Variants in RAD51B observed in about 807,000 individuals in gnomAD.
The protein encoded by RAD51B is RAD51 paralog B.
A neutral mutation model predicts 42.2 loss-of-function variants in RAD51B; 38 were observed. The observed-to-expected ratio is 0.90, with a 90% CI of 0.70 to 1.18. The LOEUF (loss-of-function observed/expected upper bound fraction) is 1.18. RAD51B is among the 50% of genes most tolerant of loss of function. The probability of loss-of-function intolerance (pLI) is 0.00; values close to 1 mark genes in which losing one functional copy is unlikely to be tolerated. For missense variants in RAD51B, 373 were observed against 400.7 expected (o/e 0.93, Z 0.59); for synonymous variants, 154 against 145.2 (o/e 1.06, Z -0.43).
Position 67,896,507 on chromosome 14 carries a change from CCTT to C in RAD51B, c.756+9307_756+9309del, listed in dbSNP as rs554690102. On this transcript the variant is annotated intron_variant, in intron 7 of 10. Coordinates refer to ENST00000471583, the MANE Select transcript of RAD51B (RefSeq NM_133510.4). ...CTGTACACATAGTATTACTGTAATG[CCTT>C]CTTTAGAAGTTTAACAACGTCAGGT... 5.9e-5 allele frequency among the ~76,000 whole-genome samples: 9 copies of C among 152,222 alleles called. No homozygotes were observed. In the South Asian group the frequency reaches 1.9e-3, roughly 32 times the overall value.
rs1264233533 is a variant in RAD51B, at chr14:68,344,068, GT to G, written c.853+52089del. On this transcript the variant is annotated intron_variant, in intron 8 of 10. Coordinates refer to ENST00000471583, the MANE Select transcript of RAD51B (RefSeq NM_133510.4). ...CTTACAGAGAACCTCTACTAGAGCA[GT>G]GTGGAGAGGAAATGTGGAGTTGAAG... Among the ~76,000 whole-genome samples the G allele has an allele frequency of 3.9e-5, 6 of 152,374 alleles. No individual in the cohort carries two copies. In the East Asian group the frequency reaches 9.6e-4, roughly 24 times the overall value.
chr14:68,306,989 G>T (rs967017404), intron 8 of RAD51B, among the ~76,000 whole-genome samples: 1 of 148,462 alleles, frequency 6.7e-6, no homozygotes, highest in Non-Finnish European at 1.5e-5. Flanking sequence ...GCTCCTCTTG[G>T]ATTGGATGAA....
intron 5 of RAD51B, among the ~76,000 whole-genome samples, chr14:67,877,278 G>T (rs1315076654): frequency 6.6e-6 from 1 of 151,920 alleles, no homozygotes; most frequent in East Asian, 1.9e-4. Context: ...TAAGGAGCGG[G>T]GTATTATGAT....
intron 7 of RAD51B, among the ~76,000 whole-genome samples, chr14:68,206,602 T>C (rs1245317430): frequency 6.6e-6 from 1 of 152,120 alleles, no homozygotes; most frequent in African/African-American, 2.4e-5. Context: ...TGGTTGATAC[T>C]GTACCAGATC....
intron 10 of RAD51B, chr14:68,563,478 G>T (rs1414957162): frequency 3.0e-6 from 3 of 985,476 alleles, no homozygotes; most frequent in Non-Finnish European, 3.6e-6. Flanking sequence ...GTGAAAATAT[G>T]CAGGCTGGGG....
At chr14:68,241,636 A>G (rs1015453348) in intron 7 of RAD51B, among the ~76,000 whole-genome samples, 3 of 152,202 alleles carry the variant, frequency 2.0e-5, no homozygotes, top group Non-Finnish European at 4.4e-5. Context: ...CATAGGTTCC[A>G]TTTAAATTTA....
intron 4 of RAD51B, among the ~76,000 whole-genome samples, chr14:67,859,215 A>G (rs1356941962): frequency 1.3e-5 from 2 of 152,236 alleles, no homozygotes; most frequent in Non-Finnish European, 2.9e-5. Flanking sequence ...GGGATGAATT[A>G]TAAGTCTGCA....
chr14:68,201,097 C>T (rs949948658), intron 7 of RAD51B, among the ~76,000 whole-genome samples: 38 of 152,104 alleles, frequency 2.5e-4, no homozygotes, highest in African/African-American at 9.2e-4. Flanking sequence ...TTTAATTCCT[C>T]ATGAATTTTT....
chr14:67,881,824 C>T (rs1456353502), intron 5 of RAD51B, among the ~76,000 whole-genome samples: 2 of 152,058 alleles, frequency 1.3e-5, no homozygotes, highest in African/African-American at 4.8e-5. Flanking sequence ...AGTGGAAATC[C>T]CTTCTTTCAT....
chr14:68,166,186 T>TC (rs1408908267), intron 7 of RAD51B, among the ~76,000 whole-genome samples: 1 of 149,276 alleles, frequency 6.7e-6, no homozygotes, highest in Non-Finnish European at 1.5e-5. Flanking sequence ...TTTTTTTTTT[T>TC]AGTTTCTCCA....
At chr14:68,129,685 A>T (rs2077845057) in intron 7 of RAD51B, among the ~76,000 whole-genome samples, 1 of 152,230 alleles carries the variant, frequency 6.6e-6, no homozygotes, top group Non-Finnish European at 1.5e-5. Context: ...GACAAGATCA[A>T]ATCGCAAGGT....
At chr14:68,118,562 C>G (rs143158544) in intron 7 of RAD51B, among the ~76,000 whole-genome samples, 320 of 152,178 alleles carry the variant, frequency 2.1e-3, no homozygotes, top group Non-Finnish European at 2.5e-3. Flanking sequence ...ACCTGTGTAC[C>G]AAATTTATGC....
chr14:68,330,595 T>G (rs1455282990), intron 8 of RAD51B, among the ~76,000 whole-genome samples: 1 of 152,214 alleles, frequency 6.6e-6, no homozygotes, highest in Non-Finnish European at 1.5e-5. Context: ...CTGGCTGGTT[T>G]GCCTTAGGTG....
intron 2 of RAD51B, 41 bp from the exon 3 acceptor site, chr14:67,825,423 T>G (rs2040792544): frequency 2.1e-6 from 3 of 1,404,200 alleles, no homozygotes; most frequent in Non-Finnish European, 3.0e-6. Context: ...GTATCTTTGT[T>G]ACACATATAT....
At chr14:68,398,984 A>G (rs1424801008) in intron 8 of RAD51B, among the ~76,000 whole-genome samples, 1 of 152,170 alleles carries the variant, frequency 6.6e-6, no homozygotes, top group African/African-American at 2.4e-5. Flanking sequence ...AAAGATTCTG[A>G]TTCATCAGGT....
At chr14:68,271,341 G>C (rs2081100251) in intron 7 of RAD51B, among the ~76,000 whole-genome samples, 3 of 152,216 alleles carry the variant, frequency 2.0e-5, no homozygotes, top group Non-Finnish European at 2.9e-5. Context: ...ATACTGTAGT[G>C]TAGTGATGAA....
intron 10 of RAD51B, among the ~76,000 whole-genome samples, chr14:68,495,263 C>T (rs1263445436): frequency 6.6e-6 from 1 of 152,208 alleles, no homozygotes; most frequent in Non-Finnish European, 1.5e-5. Flanking sequence ...GCCCACCCCA[C>T]TTGCTGGGGA....
intron 10 of RAD51B, among the ~76,000 whole-genome samples, chr14:68,633,347 A>G (rs1431073025): frequency 6.6e-6 from 1 of 152,042 alleles, no homozygotes; most frequent in Non-Finnish European, 1.5e-5. Context: ...TACAACGCCA[A>G]GGCTCGGATG....
chr14:67,900,578 T>C (rs980301360), intron 7 of RAD51B, among the ~76,000 whole-genome samples: 5 of 146,960 alleles, frequency 3.4e-5, no homozygotes, highest in Non-Finnish European at 6.0e-5. Flanking sequence ...GACTCATGAC[T>C]CAAAGGATCT....
Sources: allele counts gnomAD v4.1 joint callset (sites outside exome capture counted in the v4.1 genomes callset), GRCh38; gene constraint gnomAD v4.1.1; transcripts MANE v1.5; gene names NCBI Gene and HGNC (gene_info 2026-07-23, HGNC 2026-07-21).